LIN7A: variants seen among roughly 807,000 people sequenced by gnomAD.
The protein encoded by LIN7A is lin-7 cell polarity scaffold A, also known as protein lin-7 homolog A.
A neutral mutation model predicts 29.8 loss-of-function variants in LIN7A; 25 were observed. That is an observed-to-expected ratio of 0.84 (90% CI 0.61 to 1.17). LIN7A has a LOEUF of 1.17. LIN7A is among the 50% of genes most tolerant of loss of function. The pLI is 0.00. For synonymous variants in LIN7A, 118 were observed against 107.5 expected (o/e 1.10, Z -0.60); for missense variants, 239 against 287.0 (o/e 0.83, Z 1.21).
At chr12:80,831,674 G>A (rs1217111672) in intron 4 of LIN7A, among the ~76,000 whole-genome samples, 1 of 152,106 alleles carries the variant, frequency 6.6e-6, no homozygotes, top group Non-Finnish European at 1.5e-5. Context: ...ATGATGTGTG[G>A]TGTGATAACC....
At chr12:80,895,818 G>A (rs184646694) in intron 1 of LIN7A, among the ~76,000 whole-genome samples, 154 of 152,192 alleles carry the variant, frequency 1.0e-3, no homozygotes, top group African/African-American at 3.4e-3. Flanking sequence ...TTGTGATCAC[G>A]AAGATAACTG....
At chr12:80,800,001 A>T (rs148341932) in intron 5 of LIN7A, among the ~76,000 whole-genome samples, 2,100 of 152,242 alleles carry the variant, frequency 0.014, 35 homozygotes, top group African/African-American at 0.044. Context: ...TAAAATAAAA[A>T]GACGGATAAA....
chr12:80,800,464 G>A (rs931031008), intron 5 of LIN7A, among the ~76,000 whole-genome samples: 12 of 120,522 alleles, frequency 1.0e-4, no homozygotes, highest in Non-Finnish European at 1.9e-4. Flanking sequence ...ACTCCAGCCT[G>A]GGCAGCAAGA....
chr12:80,924,398 G>C (rs1877468894), intron 1 of LIN7A, among the ~76,000 whole-genome samples: 1 of 152,172 alleles, frequency 6.6e-6, no homozygotes, highest in Non-Finnish European at 1.5e-5. Context: ...ATGCACCCCT[G>C]GGGAGAAGAG....
chr12:80,880,885 G>T (rs181732450), intron 2 of LIN7A, among the ~76,000 whole-genome samples: 82 of 152,186 alleles, frequency 5.4e-4, no homozygotes, highest in African/African-American at 2.0e-3. Context: ...AAATGGGAAT[G>T]CCACAGCTGT....
chr12:80,898,904 T>C (rs1228457025), intron 1 of LIN7A, among the ~76,000 whole-genome samples: 1 of 152,234 alleles, frequency 6.6e-6, no homozygotes, highest in African/African-American at 2.4e-5. Flanking sequence ...TGGGGTTTTC[T>C]AGGTATAGAA....
rs183376972 is a variant in LIN7A at position 80,845,775 on chromosome 12, G to C, written c.438C>G (p.His146Gln). 2.5e-6 allele frequency: 4 copies of C among 1,613,718 alleles called. No homozygotes were observed. The highest frequency in any genetic ancestry group is 1.3e-5 in the African/African-American group (1 of 74,978). The change falls in exon 4 of 6, where the codon CAC becomes CAG. Residue 146 changes from histidine (H) to glutamine (Q), a missense_variant. Physicochemically the swap from His to Gln is conservative, Grantham distance 24. Transcript: ENST00000552864. ...GCTGGTCTCCTCTTTTGAGGCCTCCGTGTCTTTCAGCCACCCCTCCAGGAA... is the reference window on the plus strand; with the variant it reads ...GCTGGTCTCCTCTTTTGAGGCCTCCCTGTCTTTCAGCCACCCCTCCAGGAA... ...RIIPGGVAERHGGLKRGDQLL... is the reference protein window; with the variant it reads ...RIIPGGVAERQGGLKRGDQLL...
chr12:80,845,600 T>C (rs1184873304), intron 4 of LIN7A, 130 bp downstream of exon 4: 10 of 667,790 alleles, frequency 1.5e-5, no homozygotes, highest in Non-Finnish European at 2.2e-5. Context: ...TATCCATCAA[T>C]GCTTAGAAAG....
chr12:80,833,925 C>T (rs1364525117), intron 4 of LIN7A, among the ~76,000 whole-genome samples: 1 of 152,168 alleles, frequency 6.6e-6, no homozygotes, highest in South Asian at 2.1e-4. Flanking sequence ...GGCATTTCTC[C>T]TCTAGATTGC....
At chr12:80,925,681 G>A (rs553022304) in intron 1 of LIN7A, among the ~76,000 whole-genome samples, 6 of 152,294 alleles carry the variant, frequency 3.9e-5, no homozygotes, top group Middle Eastern at 3.4e-3. Context: ...TAGAAAAGCC[G>A]TGATTCAAAC....
At chr12:80,926,178 T>C (rs996119534) in intron 1 of LIN7A, among the ~76,000 whole-genome samples, 3 of 152,246 alleles carry the variant, frequency 2.0e-5, no homozygotes, top group African/African-American at 4.8e-5. Flanking sequence ...TGTTTACTTA[T>C]TTAAATATTT....
chr12:80,861,072 G>C (rs772104608), intron 2 of LIN7A: 3 of 152,296 alleles, frequency 2.0e-5, no homozygotes, highest in Non-Finnish European at 4.4e-5. Flanking sequence ...TAATGTAACT[G>C]CTGAGCCTCT....
intron 4 of LIN7A, among the ~76,000 whole-genome samples, chr12:80,828,802 G>T (rs1044377876): frequency 6.9e-6 from 1 of 145,736 alleles, no homozygotes; most frequent in Non-Finnish European, 1.5e-5. Context: ...TAAATGTGGG[G>T]TGTGTGTGTG....
At chr12:80,812,040 GAA>G (rs1871316778) in intron 4 of LIN7A, among the ~76,000 whole-genome samples, 1 of 152,050 alleles carries the variant, frequency 6.6e-6, no homozygotes, top group Non-Finnish European at 1.5e-5. Context: ...GTAACAAAGA[GAA>G]AATTTCTGTA....
At chr12:80,845,537 T>C in intron 4 of LIN7A, 193 bp downstream of exon 4, 1 of 491,950 alleles carries the variant, frequency 2.0e-6, no homozygotes, top group Middle Eastern at 5.2e-4. Flanking sequence ...TTATCATAAC[T>C]GAACATAATG....
intron 4 of LIN7A, among the ~76,000 whole-genome samples, chr12:80,821,520 C>T (rs1438414664): frequency 6.6e-6 from 1 of 152,136 alleles, no homozygotes; most frequent in African/African-American, 2.4e-5. Context: ...TGACTGATCA[C>T]AGTAGTGGTT....
At chr12:80,841,232 A>G (rs1415665594) in intron 4 of LIN7A, among the ~76,000 whole-genome samples, 1 of 152,054 alleles carries the variant, frequency 6.6e-6, no homozygotes, top group Non-Finnish European at 1.5e-5. Context: ...CAGAGGTTGC[A>G]GTGAGCTGAG....
intron 4 of LIN7A, among the ~76,000 whole-genome samples, chr12:80,841,258 T>C (rs1212524714): frequency 6.7e-6 from 1 of 149,308 alleles, no homozygotes; most frequent in Non-Finnish European, 1.5e-5. Flanking sequence ...ACCACTGCAC[T>C]CCAGCCTGGG....
intron 1 of LIN7A, chr12:80,935,696 T>A (rs1173351483): frequency 2.3e-6 from 1 of 433,050 alleles, no homozygotes; most frequent in East Asian, 5.9e-5. Flanking sequence ...ACCCATCATC[T>A]CTTGGTTATA....
Sources: gnomAD v4.1 joint callset for allele counts (sites outside exome capture counted in the v4.1 genomes callset) on GRCh38, gnomAD v4.1.1 for gene constraint, MANE v1.5 for transcripts, NCBI Gene and HGNC (gene_info 2026-07-23, HGNC 2026-07-21) for gene names.